The following SOBP variants were observed in gnomAD, a reference collection of about 807,000 sequenced individuals.
SOBP encodes sine oculis binding protein homolog, also known as sine oculis-binding protein homolog.
A neutral mutation model predicts 53.6 loss-of-function variants in SOBP; 4 were observed. The ratio of observed to expected loss-of-function variants is 0.07; its 90% CI spans 0.04 to 0.17. The LOEUF is 0.17. SOBP is among the 10% of genes least tolerant of loss of function. SOBP has a pLI of 1.00. For synonymous variants in SOBP, 584 were observed against 522.6 expected (o/e 1.12, Z -1.60); for missense variants, 1,088 against 1,204.7 (o/e 0.90, Z 1.43).
intron 4 of SOBP, among the ~76,000 whole-genome samples, chr6:107,552,597 G>C (rs1784490797): frequency 6.6e-6 from 1 of 152,154 alleles, no homozygotes; most frequent in African/African-American, 2.4e-5. Flanking sequence ...TGTTCAGCCT[G>C]GTCTTCTCCA....
At chr6:107,537,298 C>A (rs1784026575) in intron 4 of SOBP, among the ~76,000 whole-genome samples, 1 of 152,152 alleles carries the variant, frequency 6.6e-6, no homozygotes, top group African/African-American at 2.4e-5. Flanking sequence ...TGATCTCTTT[C>A]CTTTTACATG....
intron 2 of SOBP, 136 bp from the exon 3 acceptor site, chr6:107,506,106 C>G (rs1782984451): frequency 1.3e-6 from 1 of 753,486 alleles, no homozygotes; most frequent in Non-Finnish European, 2.2e-6. Context: ...CTGTGGAGTT[C>G]TAGTACATTG....
rs1772247338 is a variant in SOBP, at chr6:107,660,389, C to T, written c.*2186C>T. Among the ~76,000 whole-genome samples the T allele has an allele frequency of 2.6e-5, 4 of 152,174 alleles. No individual in the cohort carries two copies. The highest frequency in any genetic ancestry group is 6.5e-5 in the Admixed American group (1 of 15,282). On this transcript the variant is annotated 3_prime_UTR_variant, in exon 7 of 7. Transcript: ENST00000317357. ...CCAGGGCCTGCTTCCTAACCATGCCCATCACTGACAGCACACAGTGCATGG... is the reference window on the plus strand; with the variant it reads ...CCAGGGCCTGCTTCCTAACCATGCCTATCACTGACAGCACACAGTGCATGG...
intron 5 of SOBP, among the ~76,000 whole-genome samples, chr6:107,612,086 G>A (rs1354252334): frequency 6.6e-6 from 1 of 152,202 alleles, no homozygotes; most frequent in African/African-American, 2.4e-5. Flanking sequence ...CGTTAGCATA[G>A]TGAGATTGGA....
rs781110018 is a variant in SOBP, at chr6:107,634,380, G to C, written c.1536G>C (p.Pro512=). The change falls in exon 6 of 7, where the codon CCG becomes CCC. Residue 512 remains proline (P), a synonymous_variant. Coordinates refer to ENST00000317357, the MANE Select transcript of SOBP (RefSeq NM_018013.4). The surrounding 1 kb of genome is among the most constrained non-coding windows in gnomAD (Gnocchi z 4.5). ...PVPQMMNFGL[P]SLAPLVPPPT... is the part of the protein sequence containing the mutation. Reference sequence around the variant, plus strand: ...CCCAGATGATGAATTTCGGGCTGCCGTCGCTTGCCCCGCTGGTGCCGCCCC... The same window carrying C: ...CCCAGATGATGAATTTCGGGCTGCCCTCGCTTGCCCCGCTGGTGCCGCCCC... 4 of 1,596,556 alleles carry C rather than the reference G, an allele frequency of 2.5e-6. No homozygotes were observed. The African/African-American group carries it at 5.4e-5, about 21-fold the overall frequency.
intron 5 of SOBP, among the ~76,000 whole-genome samples, chr6:107,603,644 G>A (rs190909905): frequency 1.3e-5 from 2 of 152,222 alleles, no homozygotes; most frequent in Non-Finnish European, 2.9e-5. Context: ...GTACTTTGGG[G>A]GCATGAAGGA....
At chr6:107,501,840 G>A (rs1405642581) in intron 1 of SOBP, among the ~76,000 whole-genome samples, 2 of 152,098 alleles carry the variant, frequency 1.3e-5, no homozygotes, top group African/African-American at 4.8e-5. Context: ...TATTCATATT[G>A]ATCATATCTT....
intron 3 of SOBP, among the ~76,000 whole-genome samples, chr6:107,521,906 TAA>T (rs1783502531): frequency 3.6e-5 from 4 of 109,624 alleles, no homozygotes; most frequent in South Asian, 3.2e-4. Context: ...AGACAGACAT[TAA>T]AACACACACA....
At chr6:107,521,150 G>A (rs985320860) in intron 3 of SOBP, among the ~76,000 whole-genome samples, 1 of 148,202 alleles carries the variant, frequency 6.7e-6, no homozygotes, top group Admixed American at 6.8e-5. Context: ...ACCACTGGGA[G>A]GTAGAGATAT....
intron 5 of SOBP, among the ~76,000 whole-genome samples, chr6:107,631,345 T>C (rs556487148): frequency 3.5e-4 from 53 of 152,342 alleles, no homozygotes; most frequent in African/African-American, 1.2e-3. Flanking sequence ...AAATTTGCAC[T>C]GCAGGCTTTC....
chr6:107,585,550 A>G (rs2115058084), intron 4 of SOBP, among the ~76,000 whole-genome samples: 1 of 152,338 alleles, frequency 6.6e-6, no homozygotes, highest in Middle Eastern at 3.4e-3. Context: ...TCTCTGTCGC[A>G]TATAGCCAAT....
At chr6:107,494,448 A>G (rs1404793747) in intron 1 of SOBP, among the ~76,000 whole-genome samples, 1 of 152,212 alleles carries the variant, frequency 6.6e-6, no homozygotes, top group East Asian at 1.9e-4. Flanking sequence ...CCTTAAGGAT[A>G]TATATTTTGT....
At chr6:107,615,061 C>T (rs1473136535) in intron 5 of SOBP, among the ~76,000 whole-genome samples, 2 of 152,124 alleles carry the variant, frequency 1.3e-5, no homozygotes, top group Non-Finnish European at 2.9e-5. Flanking sequence ...GGAGCCACTC[C>T]CTGAGTAAGG....
chr6:107,613,653 G>T (rs1230060379), intron 5 of SOBP, among the ~76,000 whole-genome samples: 1 of 152,164 alleles, frequency 6.6e-6, no homozygotes, highest in African/African-American at 2.4e-5. Flanking sequence ...AGAATTTCCA[G>T]GTTCAAAGAC....
At chr6:107,574,747 T>G (rs1785176458) in intron 4 of SOBP, among the ~76,000 whole-genome samples, 1 of 152,188 alleles carries the variant, frequency 6.6e-6, no homozygotes, top group Admixed American at 6.5e-5. Flanking sequence ...GAGTCCACCC[T>G]GCCAATACTG....
intron 4 of SOBP, among the ~76,000 whole-genome samples, chr6:107,564,651 C>T (rs1784866813): frequency 6.7e-6 from 1 of 149,054 alleles, no homozygotes; most frequent in Non-Finnish European, 1.5e-5. Context: ...ATAAAACTGT[C>T]TGGGGGCACA....
At chr6:107,599,576 G>A (rs1451877177) in intron 5 of SOBP, among the ~76,000 whole-genome samples, 1 of 146,458 alleles carries the variant, frequency 6.8e-6, no homozygotes, top group Non-Finnish European at 1.5e-5. Context: ...GTTTATAAAG[G>A]TAGAACATTG....
Position 107,527,610 on chromosome 6 carries a change from G to A in SOBP, c.422-5849G>A, listed in dbSNP as rs554787263. Among the ~76,000 whole-genome samples the A allele has an allele frequency of 2.4e-4, 36 of 152,240 alleles. No individual in the cohort carries two copies. The South Asian group carries it at 3.1e-3, about 13-fold the overall frequency. ...TATTTAATCGTATTTGATCCTCACC[G>A]AAGCCATAGTTAGGGTGGGCATGAC... On this transcript the variant is annotated intron_variant, in intron 3 of 6. Coordinates refer to ENST00000317357, the MANE Select transcript of SOBP (RefSeq NM_018013.4).
intron 4 of SOBP, among the ~76,000 whole-genome samples, chr6:107,535,637 G>GTTTT (rs1196256220): frequency 7.4e-6 from 1 of 135,290 alleles, no homozygotes; most frequent in Non-Finnish European, 1.6e-5. Context: ...GTGTGTGTGT[G>GTTTT]TTTTTTTTTT....
Sources: gnomAD v4.1 joint callset for allele counts (sites outside exome capture counted in the v4.1 genomes callset) on GRCh38, gnomAD v4.1.1 for gene constraint, Gnocchi (gnomAD v3.1) non-coding constraint, MANE v1.5 for transcripts, NCBI Gene and HGNC (gene_info 2026-07-23, HGNC 2026-07-21) for gene names.